Variants in LURAP1L observed in about 807,000 individuals in gnomAD.
LURAP1L encodes the protein leucine rich adaptor protein 1 like, also known as leucine rich adaptor protein 1-like.
In LURAP1L, 12 loss-of-function variants were observed where a neutral mutation model predicts 13.8. The observed-to-expected ratio is 0.87, with a 90% CI of 0.56 to 1.41. LURAP1L has a LOEUF of 1.41. LURAP1L is among the 40% of genes most tolerant of loss of function. The pLI is 0.00. For missense variants in LURAP1L, 375 were observed against 292.9 expected (o/e 1.28, Z -2.04); for synonymous variants, 139 against 119.2 (o/e 1.17, Z -1.08).
At chr9:12,784,370 T>C (rs940176400) in intron 1 of LURAP1L, among the ~76,000 whole-genome samples, 4 of 152,182 alleles carry the variant, frequency 2.6e-5, no homozygotes, top group Non-Finnish European at 4.4e-5. Context: ...TTAAAGAAAA[T>C]TGAGTGTTCA....
chr9:12,780,006 G>A (rs2118458456), intron 1 of LURAP1L, among the ~76,000 whole-genome samples: 1 of 152,258 alleles, frequency 6.6e-6, no homozygotes, highest in East Asian at 1.9e-4. Context: ...GAACTGCCAT[G>A]AGCAGTTAAA....
At chr9:12,805,934 G>A (rs1011834896) in intron 1 of LURAP1L, among the ~76,000 whole-genome samples, 3 of 152,048 alleles carry the variant, frequency 2.0e-5, no homozygotes, top group Non-Finnish European at 4.4e-5. Flanking sequence ...GATCAGGAGC[G>A]ACAATGAAAC....
In LURAP1L at chr9:12,821,647, G is replaced by C; in HGVS notation, c.574G>C (p.Gly192Arg). The change falls in exon 2 of 2, where the codon GGC (glycine) becomes CGC (arginine). Residue 192 changes from glycine (G) to arginine (R), a missense_variant. By Grantham distance (125) the Gly-to-Arg change is moderately radical (BLOSUM62 -2). Coordinates refer to ENST00000319264, the MANE Select transcript of LURAP1L (RefSeq NM_203403.2). ...YLDTLADDVP[G>R]HQTPSDLDQF... ...GGACACGTTGGCGGATGATGTCCCAGGCCATCAGACCCCTTCAGACTTGGA... is the reference window on the plus strand; with the variant it reads ...GGACACGTTGGCGGATGATGTCCCACGCCATCAGACCCCTTCAGACTTGGA... 1 of 1,614,138 alleles carries C rather than the reference G, an allele frequency of 6.2e-7. No homozygotes were observed. Among genetic ancestry groups the C allele is most frequent in the Non-Finnish European group, 8.5e-7 (1 of 1,180,030 alleles).
At chr9:12,776,583 G>A (rs1819188216) in intron 1 of LURAP1L, among the ~76,000 whole-genome samples, 1 of 152,028 alleles carries the variant, frequency 6.6e-6, no homozygotes, top group Admixed American at 6.5e-5. Context: ...GCTGTTCCAA[G>A]GCCACTGTCG....
At chr9:12,798,841 G>C (rs987645921) in intron 1 of LURAP1L, among the ~76,000 whole-genome samples, 1 of 152,164 alleles carries the variant, frequency 6.6e-6, no homozygotes. Context: ...AAATGTGCGA[G>C]TGACCCTTGC....
chr9:12,808,440 C>T (rs1305064222), intron 1 of LURAP1L, among the ~76,000 whole-genome samples: 4 of 152,110 alleles, frequency 2.6e-5, no homozygotes, highest in Admixed American at 1.3e-4. Context: ...CCACCATCCA[C>T]CCCCAGAACT....
At chr9:12,808,895 T>C (rs1049069222) in intron 1 of LURAP1L, among the ~76,000 whole-genome samples, 5 of 152,166 alleles carry the variant, frequency 3.3e-5, no homozygotes, top group African/African-American at 1.2e-4. Flanking sequence ...AAGGAATACC[T>C]GAGACTGGTT....
intron 1 of LURAP1L, among the ~76,000 whole-genome samples, chr9:12,787,517 T>C (rs998608961): frequency 6.6e-6 from 1 of 152,070 alleles, no homozygotes; most frequent in African/African-American, 2.4e-5. Flanking sequence ...AAGAGCATCA[T>C]AGGACCATAG....
intron 1 of LURAP1L, among the ~76,000 whole-genome samples, chr9:12,809,930 C>T (rs1320040201): frequency 1.3e-5 from 2 of 152,128 alleles, no homozygotes; most frequent in African/African-American, 4.8e-5. Flanking sequence ...TGTTATTATA[C>T]AATAGCCTTA....
At chr9:12,783,467 GT>G (rs1819303409) in intron 1 of LURAP1L, among the ~76,000 whole-genome samples, 1 of 152,092 alleles carries the variant, frequency 6.6e-6, no homozygotes, top group South Asian at 2.1e-4. Context: ...TTATCATATG[GT>G]TTATTCCTTC....
intron 1 of LURAP1L, among the ~76,000 whole-genome samples, chr9:12,811,458 C>G (rs1483984063): frequency 6.6e-6 from 1 of 152,190 alleles, no homozygotes; most frequent in Admixed American, 6.5e-5. Flanking sequence ...AAATCAATTT[C>G]TCTTAGGGGA....
intron 1 of LURAP1L, among the ~76,000 whole-genome samples, chr9:12,816,154 A>T (rs2118548127): frequency 6.6e-6 from 1 of 152,166 alleles, no homozygotes; most frequent in Non-Finnish European, 1.5e-5. Context: ...TGATCTGTAG[A>T]CTCTTCCTAT....
chr9:12,793,939 G>A (rs183651443), intron 1 of LURAP1L, among the ~76,000 whole-genome samples: 9 of 152,000 alleles, frequency 5.9e-5, no homozygotes, highest in Non-Finnish European at 8.8e-5. Context: ...AATGGATGCC[G>A]CTTTCTGTGT....
chr9:12,786,386 CA>C (rs1477028195), intron 1 of LURAP1L, among the ~76,000 whole-genome samples: 1 of 151,182 alleles, frequency 6.6e-6, no homozygotes, highest in East Asian at 1.9e-4. Context: ...CTGACTTAAT[CA>C]GAACATTGCA....
rs560595165 is a variant in LURAP1L at position 12,780,795 on chromosome 9, T to C, written c.312+4768T>C. Among the ~76,000 whole-genome samples the C allele has an allele frequency of 5.3e-5, 8 of 152,114 alleles. No homozygotes were observed. The East Asian group carries it at 1.4e-3, about 26-fold the overall frequency. On this transcript the variant is annotated intron_variant, in intron 1 of 1. Transcript: ENST00000319264. ...TGTAAAACTTCCAATAATACAGTAA[T>C]AAATTGTATAAATAAGAAGAAAAGT...
chr9:12,783,086 T>C (rs1203585152), intron 1 of LURAP1L, among the ~76,000 whole-genome samples: 1 of 152,208 alleles, frequency 6.6e-6, no homozygotes, highest in African/African-American at 2.4e-5. Flanking sequence ...ACTCAACTTA[T>C]CAGTTCTAAT....
At chr9:12,783,659 T>G (rs1004199842) in intron 1 of LURAP1L, among the ~76,000 whole-genome samples, 1 of 152,100 alleles carries the variant, frequency 6.6e-6, no homozygotes, top group South Asian at 2.1e-4. Context: ...TGGCCTATAC[T>G]TTCTCTTTTT....
At position 12,786,583 on chromosome 9, in the gene LURAP1L, A is replaced by ATATATATAT. The variant is rs1384664118; in HGVS notation, c.312+10556_312+10557insTATATATAT. On this transcript the variant is annotated intron_variant, in intron 1 of 1. Coordinates refer to ENST00000319264, the MANE Select transcript of LURAP1L (RefSeq NM_203403.2). Reference sequence around the variant, plus strand: ...ATATATATATATATATATATATATAAACCCTTGTGCCTTAAGTCTGTATAG... The same window carrying ATATATATAT: ...ATATATATATATATATATATATATAATATATATATACCCTTGTGCCTTAAGTCTGTATAG... Among the ~76,000 whole-genome samples the ATATATATAT allele has an allele frequency of 3.0e-4, 6 of 19,854 alleles. No homozygotes were observed. The East Asian group carries it at 5.4e-3, about 18-fold the overall frequency. The allele number at this position is 19,854 out of a possible 152,430, so 13.0% of individuals were successfully genotyped here. A position where few individuals can be genotyped will look rare whatever the true frequency, so the allele number is the denominator to read the frequency against.
intron 1 of LURAP1L, 29 bp downstream of exon 1, chr9:12,776,056 T>G: frequency 6.2e-7 from 1 of 1,608,548 alleles, no homozygotes; most frequent in African/African-American, 1.3e-5. Flanking sequence ...CCGCGGGGGC[T>G]GGGACCTGGG....
Sources: allele counts gnomAD v4.1 joint callset (sites outside exome capture counted in the v4.1 genomes callset), GRCh38; gene constraint gnomAD v4.1.1; transcripts MANE v1.5; gene names NCBI Gene and HGNC (gene_info 2026-07-23, HGNC 2026-07-21).